Variants in FGF7 observed in about 807,000 individuals in gnomAD.
FGF7 encodes the protein fibroblast growth factor 7.
FGF7 carries 6 observed loss-of-function variants against 20.5 expected under a neutral mutation model. The observed-to-expected ratio is 0.29, with a 90% CI of 0.16 to 0.58. The LOEUF (loss-of-function observed/expected upper bound fraction) is 0.58. Ranked by LOEUF, FGF7 falls within the 20% of genes least tolerant of loss-of-function variation. The pLI, the probability that FGF7 is intolerant of heterozygous loss-of-function variation, is 0.90. For synonymous variants in FGF7, 64 were observed against 74.7 expected (o/e 0.86, Z 0.74); for missense variants, 144 against 228.8 (o/e 0.63, Z 2.39).
intron 2 of FGF7, among the ~76,000 whole-genome samples, chr15:49,436,474 T>G (rs929407752): frequency 6.6e-6 from 1 of 151,506 alleles, no homozygotes; most frequent in Admixed American, 6.6e-5. Flanking sequence ...CTTAAGTAAA[T>G]TTTTTCCCTC....
At chr15:49,436,269 A>G (rs1423540735) in intron 2 of FGF7, among the ~76,000 whole-genome samples, 1 of 151,592 alleles carries the variant, frequency 6.6e-6, no homozygotes, top group African/African-American at 2.4e-5. Flanking sequence ...TTTTCTGAAA[A>G]TATTTGAGTA....
At position 49,483,922 on chromosome 15, in the gene FGF7, C is replaced by G. The variant is rs146984438; in HGVS notation, c.391-388C>G. 5.4e-3 allele frequency among the ~76,000 whole-genome samples: 815 copies of G among 152,048 alleles called. 10 individuals carry two copies. Among genetic ancestry groups the G allele is most frequent in the African/African-American group, 0.019 (783 of 41,522 alleles). On this transcript the variant is annotated intron_variant, in intron 3 of 3. Coordinates refer to ENST00000267843, the MANE Select transcript of FGF7 (RefSeq NM_002009.4). The stretch of plus-strand genomic sequence containing the variant: ...ATAAAGTTGTGAAACAAGTCTCTCA[C>G]CTGAGGGAGGCAGAGGTTCTGCTAA...
chr15:49,440,690 A>T (rs1407369422), intron 2 of FGF7, among the ~76,000 whole-genome samples: 2 of 151,662 alleles, frequency 1.3e-5, no homozygotes, highest in Non-Finnish European at 2.9e-5. Context: ...ATCTAATTCC[A>T]TTTTATAAAT....
intron 2 of FGF7, among the ~76,000 whole-genome samples, chr15:49,476,259 A>G (rs934330439): frequency 3.9e-5 from 5 of 127,208 alleles, no homozygotes; most frequent in Non-Finnish European, 5.4e-5. Flanking sequence ...TTTGGCATAT[A>G]CTGCCAGGTA....
Position 49,483,315 on chromosome 15 carries a change from C to T in FGF7, c.390+61C>T, listed in dbSNP as rs951587630. 1.1e-5 allele frequency: 9 copies of T among 830,834 alleles called. No individual in the cohort carries two copies. The African/African-American group carries it at 1.2e-4, about 11-fold the overall frequency. The allele number at this position is 830,834 out of a possible 1,614,324, so 51.5% of individuals were successfully genotyped here. On this transcript the variant is annotated intron_variant, in intron 3 of 3. Coordinates refer to ENST00000267843, the MANE Select transcript of FGF7 (RefSeq NM_002009.4). ...AACTCATTTTTGTCAAAATATCTCA[C>T]CTTTCTGAAAAGTAAAAATGGAATT...
intron 2 of FGF7, among the ~76,000 whole-genome samples, chr15:49,477,207 T>A (rs1431246099): frequency 2.0e-5 from 3 of 152,240 alleles, no homozygotes; most frequent in Non-Finnish European, 4.4e-5. Flanking sequence ...CATCAGTTTA[T>A]ACTAAGGTCC....
intron 2 of FGF7, among the ~76,000 whole-genome samples, chr15:49,435,202 C>T (rs367982044): frequency 9.2e-5 from 14 of 151,668 alleles, no homozygotes; most frequent in African/African-American, 3.4e-4. Flanking sequence ...ATAAGTGTAA[C>T]TTACCTATGT....
At chr15:49,446,823 G>C (rs1253980315) in intron 2 of FGF7, among the ~76,000 whole-genome samples, 1 of 151,486 alleles carries the variant, frequency 6.6e-6, no homozygotes, top group Non-Finnish European at 1.5e-5. Context: ...ATTAAAGGAA[G>C]GATGTTAGGA....
Position 49,474,637 on chromosome 15 carries a change from C to A in FGF7, c.287-8514C>A, listed in dbSNP as rs2055076035. On this transcript the variant is annotated intron_variant, in intron 2 of 3. Coordinates refer to ENST00000267843, the MANE Select transcript of FGF7 (RefSeq NM_002009.4). Reference sequence around the variant, plus strand: ...AAAATATCAGTTTTCGGCAGGAGCCCCCAACCCCTGGGCTGGGGACCGGTA... The same window carrying A: ...AAAATATCAGTTTTCGGCAGGAGCCACCAACCCCTGGGCTGGGGACCGGTA... Among the ~76,000 whole-genome samples, 4 of 152,046 alleles carry A rather than the reference C, an allele frequency of 2.6e-5. No homozygotes were observed. The South Asian group carries it at 8.3e-4, about 32-fold the overall frequency.
intron 2 of FGF7, among the ~76,000 whole-genome samples, chr15:49,467,279 A>C (rs957456172): frequency 6.6e-6 from 1 of 152,030 alleles, no homozygotes; most frequent in Non-Finnish European, 1.5e-5. Flanking sequence ...AGTTTCTATA[A>C]CTTCTTTTTC....
chr15:49,476,346 G>T (rs2151988606), intron 2 of FGF7, among the ~76,000 whole-genome samples: 1 of 151,164 alleles, frequency 6.6e-6, no homozygotes, highest in East Asian at 1.9e-4. Flanking sequence ...ATCCAGATAG[G>T]ATATCATAAT....
At chr15:49,441,808 C>T (rs558266260) in intron 2 of FGF7, among the ~76,000 whole-genome samples, 1 of 151,164 alleles carries the variant, frequency 6.6e-6, no homozygotes, top group African/African-American at 2.4e-5. Flanking sequence ...AATGTATTAT[C>T]TCATTGAATT....
chr15:49,424,663 T>A, intron 2 of FGF7, 80 bp downstream of exon 2: 1 of 1,144,746 alleles, frequency 8.7e-7, no homozygotes, highest in Non-Finnish European at 1.2e-6. Flanking sequence ...TTTCTCATCT[T>A]CCTTTTGCTT....
At chr15:49,483,068 C>G in intron 2 of FGF7, 83 bp from the exon 3 acceptor site, 1 of 818,824 alleles carries the variant, frequency 1.2e-6, no homozygotes, top group Non-Finnish European at 2.1e-6. Context: ...CCGATTAAAA[C>G]AGAAATAAGA....
At position 49,487,604 on chromosome 15, in the gene FGF7, C is replaced by A. The variant is rs2056509513; in HGVS notation, c.*3100C>A. ...CATAAAGATGTGCGAGGGGACCTAG[C>A]TGTAGTAAAAGCAATCCTATAACAA... On this transcript the variant is annotated 3_prime_UTR_variant, in exon 4 of 4. Coordinates refer to ENST00000267843, the MANE Select transcript of FGF7 (RefSeq NM_002009.4). The A allele has an allele frequency of 6.6e-6, 1 of 151,802 alleles. No homozygotes were observed. Among genetic ancestry groups the A allele is most frequent in the South Asian group, 2.1e-4 (1 of 4,826 alleles). 9.4% of individuals were successfully genotyped at this position (151,802 alleles called of 1,614,324 possible). A position where few individuals can be genotyped will look rare whatever the true frequency, so the allele number is the denominator to read the frequency against.
At chr15:49,452,811 C>G (rs1444653648) in intron 2 of FGF7, among the ~76,000 whole-genome samples, 1 of 152,062 alleles carries the variant, frequency 6.6e-6, no homozygotes, top group Non-Finnish European at 1.5e-5. Flanking sequence ...GCACAGGGTG[C>G]AGGATAATAT....
intron 2 of FGF7, among the ~76,000 whole-genome samples, chr15:49,476,685 T>C (rs1264645807): frequency 2.0e-5 from 3 of 152,194 alleles, no homozygotes; most frequent in African/African-American, 7.2e-5. Context: ...CTACACTCAA[T>C]GATATTATAT....
chr15:49,461,099 T>C (rs2053756467), intron 2 of FGF7, among the ~76,000 whole-genome samples: 1 of 152,162 alleles, frequency 6.6e-6, no homozygotes, highest in Non-Finnish European at 1.5e-5. Context: ...TGTTTCTCCC[T>C]GACTTAAATA....
chr15:49,482,267 A>C (rs889990717), intron 2 of FGF7, among the ~76,000 whole-genome samples: 11 of 152,074 alleles, frequency 7.2e-5, no homozygotes, highest in African/African-American at 2.7e-4. Flanking sequence ...TGTCATTAAA[A>C]CACAGGATTT....
Sources: allele counts gnomAD v4.1 joint callset (sites outside exome capture counted in the v4.1 genomes callset), GRCh38; gene constraint gnomAD v4.1.1; transcripts MANE v1.5; gene names NCBI Gene and HGNC (gene_info 2026-07-23, HGNC 2026-07-21).